MYH2: variants seen among roughly 807,000 people sequenced by gnomAD.
MYH2 encodes the protein myosin heavy chain 2, also known as myosin-2.
Under a neutral mutation model 228.1 loss-of-function variants are expected in MYH2, and 139 were observed. The observed-to-expected ratio is 0.61, with a 90% CI of 0.53 to 0.70. The LOEUF is 0.70. MYH2 is among the 30% of genes least tolerant of loss of function. The probability of loss-of-function intolerance (pLI) is 0.00; values close to 1 mark genes in which losing one functional copy is unlikely to be tolerated. For missense variants in MYH2, 1,809 were observed against 2,357.5 expected (o/e 0.77, Z 4.82); for synonymous variants, 796 against 871.1 (o/e 0.91, Z 1.52).
At position 10,535,190 on chromosome 17, in the gene MYH2, C is replaced by T; in HGVS notation, c.2063G>A (p.Gly688Asp). ...CIIPNETKTPGAMEHELVLHQ... is the reference protein window; with the variant it reads ...CIIPNETKTPDAMEHELVLHQ... ...GAGGACAAGCTCATGCTCCATGGCA[C>T]CTAAAAATGCATATTTATTTCACTG... The change falls in exon 19 of 40, where the codon GGT becomes GAT. Residue 688 changes from glycine to aspartate, a missense_variant and splice_region_variant. By Grantham distance (94) the Gly-to-Asp change is moderately conservative. Around this residue, in one of 9 missense-constraint regions of MYH2, gnomAD observed 276 missense variants for 344.2 expected, o/e 0.80. Coordinates refer to ENST00000245503, the MANE Select transcript of MYH2 (RefSeq NM_017534.6). 6.2e-7 allele frequency: 1 copy of T among 1,614,062 alleles called. No homozygotes were observed. The highest frequency in any genetic ancestry group is 8.5e-7 in the Non-Finnish European group (1 of 1,180,000).
Position 10,523,779 on chromosome 17 carries a change from C to T in MYH2, c.5281G>A (p.Ala1761Thr), listed in dbSNP as rs1194141410. The part of the protein sequence containing the change: ...LQEARNAEEK[A>T]KKAITDAAMM... Reference sequence around the variant, plus strand: ...CTCACATCAGTGATGGCCTTCTTGGCCTTTTCTTCTGCATTGCGGGCTTCC... The same window carrying T: ...CTCACATCAGTGATGGCCTTCTTGGTCTTTTCTTCTGCATTGCGGGCTTCC... Residue 1761 changes from alanine to threonine, a missense_variant, in exon 36 of 40, where the codon GCC becomes ACC. Ala to Thr is a moderately conservative substitution (Grantham distance 58). Transcript: ENST00000245503. 2 of 1,614,106 alleles carry T rather than the reference C, an allele frequency of 1.2e-6. No individual in the cohort carries two copies. Among genetic ancestry groups the T allele is most frequent in the African/African-American group, 2.7e-5 (2 of 74,932 alleles).
chr17:10,542,197 C>G (rs2142316984), intron 10 of MYH2, among the ~76,000 whole-genome samples: 1 of 152,260 alleles, frequency 6.6e-6, no homozygotes, highest in Middle Eastern at 3.4e-3. Context: ...TCGCTTGAAC[C>G]TGGGAGGTGG....
intron 19 of MYH2, among the ~76,000 whole-genome samples, 200 bp downstream of exon 19, chr17:10,534,873 C>T (rs781488088): frequency 5.3e-5 from 8 of 152,172 alleles, no homozygotes; most frequent in African/African-American, 9.7e-5. Context: ...ACTGAGATCA[C>T]GCCATTGCAC....
At chr17:10,543,670 G>C in intron 8 of MYH2, 41 bp downstream of exon 8, 1 of 1,604,756 alleles carries the variant, frequency 6.2e-7, no homozygotes, top group Non-Finnish European at 8.5e-7. Flanking sequence ...CATAAATTTT[G>C]ACCAGTGAAC....
At chr17:10,532,001 T>C (rs1295256622) in intron 21 of MYH2, 113 bp from the exon 22 acceptor site, 148 of 1,305,388 alleles carry the variant, frequency 1.1e-4, no homozygotes, top group Non-Finnish European at 1.2e-4. Context: ...CTTTCAAACA[T>C]GCAGATGAAA....
At chr17:10,530,749 A>G (rs1230489504) in intron 22 of MYH2, among the ~76,000 whole-genome samples, 1 of 152,202 alleles carries the variant, frequency 6.6e-6, no homozygotes, top group Admixed American at 6.5e-5. Context: ...GCTATGTATA[A>G]CTGTGTAACG....
At position 10,543,925 on chromosome 17, in the gene MYH2, C is replaced by A. The variant is rs1250462450; in HGVS notation, c.625G>T (p.Glu209Ter). ...IAVTGEKKKE[E>*]ITSGKIQGTL... ...ACCTGTATTTTGCCAGAAGTAATTT[C>A]TTCCTTCTTCTTCTCACCAGTAACT... Residue 209 changes from glutamate to a stop codon, truncating the protein, a stop_gained, in exon 7 of 40, where the codon GAA (glutamate) becomes TAA (stop). Coordinates refer to ENST00000245503, the MANE Select transcript of MYH2 (RefSeq NM_017534.6). LOFTEE classifies it high-confidence loss of function. 4 of 1,614,052 alleles carry A rather than the reference C, an allele frequency of 2.5e-6. No individual in the cohort carries two copies. Among genetic ancestry groups the A allele is most frequent in the African/African-American group, 2.7e-5 (2 of 74,930 alleles).
chr17:10,527,136 TC>T, intron 28 of MYH2, 80 bp from the exon 29 acceptor site: 1 of 1,316,812 alleles, frequency 7.6e-7, no homozygotes, highest in Non-Finnish European at 1.1e-6. Context: ...AAATTTTGAC[TC>T]TTATTTTCCC....
intron 16 of MYH2, 115 bp from the exon 17 acceptor site, chr17:10,536,721 CTGAT>C: frequency 1.1e-6 from 1 of 887,058 alleles, no homozygotes; most frequent in Non-Finnish European, 1.8e-6. Flanking sequence ...GCTGGCCTCT[CTGAT>C]TGAGCCTGAA....
intron 39 of MYH2, among the ~76,000 whole-genome samples, chr17:10,522,080 C>T (rs2073291522): frequency 6.6e-6 from 1 of 152,192 alleles, no homozygotes; most frequent in Admixed American, 6.5e-5. Flanking sequence ...CCTCTGTCCT[C>T]TCTTGGGCAG....
Position 10,527,040 on chromosome 17 carries a change from C to A in MYH2, c.3888G>T (p.Gln1296His), listed in dbSNP as rs1190477296. 1 of 1,614,132 alleles carries A rather than the reference C, an allele frequency of 6.2e-7. No homozygotes were observed. Among genetic ancestry groups the A allele is most frequent in the Admixed American group, 1.7e-5 (1 of 60,024 alleles). Reference sequence around the variant, plus strand: ...ACACCAGAGCTTCCTTTTCATCAAGCTGGCGTGAAAACTCACCTGATGGAC... The same window carrying A: ...ACACCAGAGCTTCCTTTTCATCAAGATGGCGTGAAAACTCACCTGATGGAC... ...LQTESGEFSR[Q>H]LDEKEALVSQ... The change falls in exon 29 of 40, where the codon CAG (glutamine) becomes CAT (histidine). Residue 1296 changes from glutamine (Q) to histidine (H), a missense_variant. Gln to His is a conservative substitution (Grantham distance 24, BLOSUM62 0). Around this residue, in one of 9 missense-constraint regions of MYH2, gnomAD observed 636 missense variants for 729.9 expected, o/e 0.87. Coordinates refer to ENST00000245503, the MANE Select transcript of MYH2 (RefSeq NM_017534.6).
At chr17:10,542,998 A>C (rs960335785) in intron 9 of MYH2, 25 bp from the exon 10 acceptor site, 1 of 1,598,640 alleles carries the variant, frequency 6.3e-7, no homozygotes, top group African/African-American at 1.3e-5. Context: ...ATAACACATA[A>C]GAAAATTGTA....
At position 10,547,708 on chromosome 17, in the gene MYH2, T is replaced by G. The variant is rs1232012735; in HGVS notation, c.204+9A>C. On this transcript the variant is annotated intron_variant, in intron 3 of 39. Coordinates refer to ENST00000245503, the MANE Select transcript of MYH2 (RefSeq NM_017534.6). ...ATAAAATGTGGCAAGCTCCTGGGAT[T>G]CTACTCACCGCTCCTCCCTCAGTCT... 1 of 1,614,206 alleles carries G rather than the reference T, an allele frequency of 6.2e-7. No homozygotes were observed. The highest frequency in any genetic ancestry group is 1.1e-5 in the South Asian group (1 of 91,086).
intron 24 of MYH2, 33 bp from the exon 25 acceptor site, chr17:10,529,514 G>T (rs1273995172): frequency 6.2e-6 from 10 of 1,614,170 alleles, no homozygotes; most frequent in Non-Finnish European, 7.6e-6. Context: ...CAGAAGGAAT[G>T]CTTATCTTCC....
At position 10,521,279 on chromosome 17, in the gene MYH2, A is replaced by T; in HGVS notation, c.*1T>A. ...AGTCATTCCATGGCATCAGGACATG[A>T]TCACTCTTCACTTATGACTTTTGTG... On this transcript the variant is annotated 3_prime_UTR_variant, in exon 40 of 40. Transcript: ENST00000245503. 1 of 1,613,622 alleles carries T rather than the reference A, an allele frequency of 6.2e-7. No homozygotes were observed. The highest frequency in any genetic ancestry group is 8.5e-7 in the Non-Finnish European group (1 of 1,180,014).
Position 10,525,167 on chromosome 17 carries a change from T to C in MYH2, c.4662+57A>G, listed in dbSNP as rs1032783048. 24 of 1,613,754 alleles carry C rather than the reference T, an allele frequency of 1.5e-5. No individual in the cohort carries two copies. The African/African-American group carries it at 3.1e-4, about 21-fold the overall frequency. On this transcript the variant is annotated intron_variant, in intron 33 of 39. Coordinates refer to ENST00000245503, the MANE Select transcript of MYH2 (RefSeq NM_017534.6). The surrounding 1 kb of genome is among the most constrained non-coding windows in gnomAD (Gnocchi z 4.2). The stretch of plus-strand genomic sequence containing the variant: ...GCTATGTGTCTTTTTATTCACTCTA[T>C]GCAGATGTACCTAATTATTTTCCAG...
rs752969889 is a variant in MYH2 at position 10,535,284 on chromosome 17, T to C, written c.2056A>G (p.Thr686Ala). 3 of 1,613,990 alleles carry C rather than the reference T, an allele frequency of 1.9e-6. No individual in the cohort carries two copies. Among genetic ancestry groups the C allele is most frequent in the Non-Finnish European group, 2.5e-6 (3 of 1,179,978 alleles). The change falls in exon 18 of 40, where the codon ACT (threonine) becomes GCT (alanine). Residue 686 changes from threonine to alanine, a missense_variant. This residue lies in a region of MYH2 where 276 missense variants were observed against 344.2 expected (regional missense o/e 0.80). Coordinates refer to ENST00000245503, the MANE Select transcript of MYH2 (RefSeq NM_017534.6). ...VRCIIPNETK[T>A]PGAMEHELVL... ...TCATTATGGAATTTCTTACCAGGAGTTTTTGTCTCATTGGGGATGATACAC... is the reference window on the plus strand; with the variant it reads ...TCATTATGGAATTTCTTACCAGGAGCTTTTGTCTCATTGGGGATGATACAC...
chr17:10,542,830 G>A (rs551036287), intron 10 of MYH2, 45 bp downstream of exon 10: 6 of 1,317,452 alleles, frequency 4.6e-6, no homozygotes, highest in African/African-American at 4.4e-5. Context: ...TGCATTGATA[G>A]GTACTGATGC....
rs981029839 is a variant in MYH2, at chr17:10,524,414, A to G, written c.5175+52T>C. On this transcript the variant is annotated intron_variant, in intron 35 of 39. Coordinates refer to ENST00000245503, the MANE Select transcript of MYH2 (RefSeq NM_017534.6). This position sits in a 1 kb window ranked among gnomAD's most constrained non-coding sequence, Gnocchi z 4.7. Reference sequence around the variant, plus strand: ...GTCTTATGAAAACTCAGGCTTATCTATTCTGGGACATATAAAATTTACTAA... The same window carrying G: ...GTCTTATGAAAACTCAGGCTTATCTGTTCTGGGACATATAAAATTTACTAA... 6 of 1,610,976 alleles carry G rather than the reference A, an allele frequency of 3.7e-6. No individual in the cohort carries two copies. The highest frequency in any genetic ancestry group is 5.1e-6 in the Non-Finnish European group (6 of 1,177,164).
Sources: allele counts gnomAD v4.1 joint callset (sites outside exome capture counted in the v4.1 genomes callset), GRCh38; gene constraint gnomAD v4.1.1; regional missense constraint gnomAD v4.1.1; non-coding constraint Gnocchi (gnomAD v3.1); transcripts MANE v1.5; gene names NCBI Gene and HGNC (gene_info 2026-07-23, HGNC 2026-07-21).